Variants in RSF1 observed in about 807,000 individuals in gnomAD.
The protein encoded by RSF1 is remodeling and spacing factor 1, also known as HBV pX-associated protein 8.
A neutral mutation model predicts 145.2 loss-of-function variants in RSF1; 13 were observed. That is an observed-to-expected ratio of 0.09 (90% CI 0.06 to 0.14). RSF1 has a LOEUF of 0.14. RSF1 is among the 10% of genes least tolerant of loss of function. The pLI is 1.00. For synonymous variants in RSF1, 577 were observed against 592.6 expected (o/e 0.97, Z 0.38); for missense variants, 1,517 against 1,718.2 (o/e 0.88, Z 2.07).
At chr11:77,700,115 G>A (rs1031666204) in intron 6 of RSF1, among the ~76,000 whole-genome samples, 5 of 152,110 alleles carry the variant, frequency 3.3e-5, no homozygotes, top group Non-Finnish European at 7.4e-5. Flanking sequence ...CACTTTGGGA[G>A]GCCGAGGTGG....
At chr11:77,821,646 G>T (rs1366663672), upstream of RSF1, among the ~76,000 whole-genome samples, 1 of 151,996 alleles carries the variant, frequency 6.6e-6, no homozygotes, top group Non-Finnish European at 1.5e-5. Context: ...TGTGGGCTGG[G>T]ACTCCATTGA....
chr11:77,856,141 A>G, the RSF1 span, among the ~76,000 whole-genome samples: 4 of 152,302 alleles, frequency 2.6e-5, no homozygotes, highest in South Asian at 4.1e-4. Flanking sequence ...AAGGTCTTCC[A>G]CCAGATACCC....
At chr11:77,726,738 A>T (rs536568618) in intron 4 of RSF1, among the ~76,000 whole-genome samples, 1 of 152,274 alleles carries the variant, frequency 6.6e-6, no homozygotes, top group Admixed American at 6.5e-5. Flanking sequence ...ATTCAAAGTG[A>T]AAACTGTTAA....
intron 5 of RSF1, among the ~76,000 whole-genome samples, chr11:77,722,632 C>T (rs547973999): frequency 1.1e-4 from 17 of 152,294 alleles, no homozygotes; most frequent in South Asian, 2.1e-4. Flanking sequence ...CCTGAGGCAA[C>T]ATTATAAATG....
rs1380065504 is a variant in RSF1, at chr11:77,820,697, T to TGCCGCCGCC, written c.9_17dup (p.Ala7_Ala9dup). ...CCGGAGGAGCCATCACCGCCGCCGC[T>TGCCGCCGCC]GCCGCCGCCGTCGCCATTTTGAACT... On this transcript the variant is annotated inframe_insertion, in exon 1 of 16. Coordinates refer to ENST00000308488, the MANE Select transcript of RSF1 (RefSeq NM_016578.4). 1 of 1,550,038 alleles carries TGCCGCCGCC rather than the reference T, an allele frequency of 6.5e-7. No individual in the cohort carries two copies. Among genetic ancestry groups the TGCCGCCGCC allele is most frequent in the Non-Finnish European group, 8.7e-7 (1 of 1,148,148 alleles).
intron 2 of RSF1, among the ~76,000 whole-genome samples, chr11:77,760,211 G>T (rs546832048): frequency 6.6e-6 from 1 of 152,234 alleles, no homozygotes; most frequent in South Asian, 2.1e-4. Context: ...ATACATAAAA[G>T]ATGCTATTAT....
At chr11:77,734,710 T>C (rs1160618154) in intron 4 of RSF1, 4 of 1,440,338 alleles carry the variant, frequency 2.8e-6, no homozygotes, top group African/African-American at 2.8e-5. Context: ...TTTTTCCAAA[T>C]GTAATGCACA....
upstream of RSF1, among the ~76,000 whole-genome samples, chr11:77,823,083 G>A (rs1948997345): frequency 6.6e-6 from 1 of 151,720 alleles, no homozygotes; most frequent in Non-Finnish European, 1.5e-5. Context: ...GCGTGGTGGC[G>A]GCGGGCCCCT....
rs2135799559 is a variant in RSF1, at chr11:77,662,753, A to G, written c.*4164T>C. ...TGATATAGGAATGGATTTTAATCTG[A>G]GAAGATTCAATAATGGATCATATTA... On this transcript the variant is annotated 3_prime_UTR_variant, in exon 16 of 16. Transcript: ENST00000308488. The G allele has an allele frequency of 6.6e-6, 1 of 152,280 alleles. No homozygotes were observed. The highest frequency in any genetic ancestry group is 2.1e-4 in the South Asian group (1 of 4,826). The allele number at this position is 152,280 out of a possible 1,614,324, so 9.4% of individuals were successfully genotyped here.
chr11:77,752,378 G>A (rs553181531), intron 2 of RSF1, among the ~76,000 whole-genome samples: 2 of 152,224 alleles, frequency 1.3e-5, no homozygotes, highest in East Asian at 1.9e-4. Flanking sequence ...CTGAAAATCC[G>A]CCTGCATAAT....
At chr11:77,841,099 C>A in the RSF1 span, 1 of 670,808 alleles carries the variant, frequency 1.5e-6, no homozygotes, top group South Asian at 1.6e-5. Context: ...TAGTGGAAGT[C>A]ATCACATGGT....
chr11:77,691,150 T>TA lies in RSF1; in HGVS notation c.2900+8dup, dbSNP rs1213219790. 6.2e-7 allele frequency: 1 copy of TA among 1,611,672 alleles called. No individual in the cohort carries two copies. ...CCCAAACAAAACATTAACACACATA[T>TA]AAAAATACCTTCGTTCGGCACGCTC... On this transcript the variant is annotated intron_variant, in intron 9 of 15. Coordinates refer to ENST00000308488, the MANE Select transcript of RSF1 (RefSeq NM_016578.4).
chr11:77,702,313 T>C lies in RSF1; in HGVS notation c.916A>G (p.Lys306Glu), dbSNP rs1318778331. 2 of 1,609,958 alleles carry C rather than the reference T, an allele frequency of 1.2e-6. No individual in the cohort carries two copies. Among genetic ancestry groups the C allele is most frequent in the East Asian group, 4.5e-5 (2 of 44,860 alleles). Reference protein sequence around the residue: ...EKPLPENEEKKIIKEESDSFK... With the variant: ...EKPLPENEEKEIIKEESDSFK... ...GAATCACTTTCTTCTTTGATAATCT[T>C]TTTTTCTTCATTTTCTGGCAAAGGT... The change falls in exon 6 of 16, where the codon AAG (lysine) becomes GAG (glutamate). Residue 306 changes from lysine (K) to glutamate (E), a missense_variant. Physicochemically the swap from Lys to Glu is moderately conservative, Grantham distance 56. Coordinates refer to ENST00000308488, the MANE Select transcript of RSF1 (RefSeq NM_016578.4).
intron 1 of RSF1, among the ~76,000 whole-genome samples, chr11:77,812,871 C>G (rs1948744126): frequency 7.8e-6 from 1 of 127,702 alleles, no homozygotes; most frequent in Non-Finnish European, 1.6e-5. Flanking sequence ...GCCTGGGTGA[C>G]AGAGCTCCAT....
intron 3 of RSF1, among the ~76,000 whole-genome samples, chr11:77,741,805 CCTGT>C (rs1480845928): frequency 6.6e-6 from 1 of 152,122 alleles, no homozygotes; most frequent in East Asian, 1.9e-4. Context: ...ACTAATTCCT[CCTGT>C]CTGACTTTTT....
chr11:77,857,727 C>A, the RSF1 span, among the ~76,000 whole-genome samples: 1 of 147,972 alleles, frequency 6.8e-6, no homozygotes, highest in African/African-American at 2.5e-5. Flanking sequence ...GATGGAGTCT[C>A]GCTCTGTCAC....
At chr11:77,678,021 A>G in intron 12 of RSF1, 65 bp downstream of exon 12, 1 of 1,126,282 alleles carries the variant, frequency 8.9e-7, no homozygotes, top group South Asian at 1.3e-5. Context: ...CACTGCCCTA[A>G]TTTGGGCACC....
chr11:77,820,014 GC>G (rs1348446814), intron 1 of RSF1, among the ~76,000 whole-genome samples: 1 of 152,168 alleles, frequency 6.6e-6, no homozygotes, highest in African/African-American at 2.4e-5. Flanking sequence ...GTGTCCGCTG[GC>G]CCCCGCCCAC....
At chr11:77,700,288 T>C (rs1960383299) in intron 6 of RSF1, among the ~76,000 whole-genome samples, 1 of 133,930 alleles carries the variant, frequency 7.5e-6, no homozygotes, top group South Asian at 2.3e-4. Context: ...GAGGCAGAGG[T>C]TGCAGTGAGC....
Sources: allele counts gnomAD v4.1 joint callset (sites outside exome capture counted in the v4.1 genomes callset), GRCh38; gene constraint gnomAD v4.1.1; transcripts MANE v1.5; gene names NCBI Gene and HGNC (gene_info 2026-07-23, HGNC 2026-07-21).